Variants in NRG1 observed in about 807,000 individuals in gnomAD.
NRG1 encodes neuregulin 1, also known as pro-neuregulin-1, membrane-bound isoform.
In NRG1, 18 loss-of-function variants were observed where a neutral mutation model predicts 63.8. That is an observed-to-expected ratio of 0.28 (90% CI 0.19 to 0.42). NRG1 has a LOEUF of 0.42. Among genes scored for constraint, NRG1 ranks in the 10% least tolerant of loss-of-function variants. NRG1 has a pLI of 1.00. For missense variants in NRG1, 762 were observed against 814.7 expected, an observed-to-expected ratio of 0.94 and a Z score of 0.79; for synonymous variants, 302 against 301.3, an observed-to-expected ratio of 1.00 and a Z score of -0.02.
intron 1 of NRG1, among the ~76,000 whole-genome samples, chr8:32,513,707 T>A (rs1213026564): frequency 6.6e-6 from 1 of 152,154 alleles, no homozygotes; most frequent in African/African-American, 2.4e-5. Context: ...AACAGCATTT[T>A]TATATATATC....
At chr8:31,696,256 A>G (rs764711798) in intron 1 of NRG1, among the ~76,000 whole-genome samples, 48 of 152,078 alleles carry the variant, frequency 3.2e-4, no homozygotes, top group Non-Finnish European at 6.3e-4. Flanking sequence ...TAATAGAGAC[A>G]GGGTTTCACC....
At chr8:32,001,792 A>C (rs1812972423) in intron 1 of NRG1, among the ~76,000 whole-genome samples, 1 of 152,004 alleles carries the variant, frequency 6.6e-6, no homozygotes, top group African/African-American at 2.4e-5. Flanking sequence ...CACAGAGGTA[A>C]AGTGCTATGC....
intron 1 of NRG1, among the ~76,000 whole-genome samples, chr8:32,298,014 A>G (rs1341811949): frequency 1.3e-5 from 2 of 152,250 alleles, no homozygotes; most frequent in Admixed American, 1.3e-4. Context: ...TATCTGTGAG[A>G]ACATCACTTA....
intron 1 of NRG1, among the ~76,000 whole-genome samples, chr8:31,901,341 A>G (rs944832028): frequency 6.6e-6 from 1 of 152,208 alleles, no homozygotes; most frequent in Non-Finnish European, 1.5e-5. Flanking sequence ...ACTACTTCTT[A>G]AGACAATTTT....
chr8:32,658,905 A>G (rs1802147390), intron 5 of NRG1, among the ~76,000 whole-genome samples: 1 of 152,178 alleles, frequency 6.6e-6, no homozygotes, highest in African/African-American at 2.4e-5. Context: ...CATTTTGGTG[A>G]CATGTTTTGG....
chr8:31,868,147 T>TACACACACACACACACACAC (rs1047085862), intron 1 of NRG1, among the ~76,000 whole-genome samples: 1 of 32,636 alleles, frequency 3.1e-5, no homozygotes, highest in African/African-American at 8.3e-5. Context: ...ACATACATCT[T>TACACACACACACACACACAC]ACACACACAC....
intron 1 of NRG1, among the ~76,000 whole-genome samples, chr8:32,303,263 C>T (rs555702560): frequency 6.7e-6 from 1 of 149,718 alleles, no homozygotes; most frequent in African/African-American, 2.5e-5. Context: ...CACTTGTTGC[C>T]ATTTACCATG....
chr8:32,062,211 A>T (rs565624889), intron 1 of NRG1, among the ~76,000 whole-genome samples: 1 of 152,208 alleles, frequency 6.6e-6, no homozygotes, highest in Admixed American at 6.6e-5. Context: ...GCTTGGAACG[A>T]AGTGTGCCTG....
intron 5 of NRG1, among the ~76,000 whole-genome samples, chr8:32,712,185 C>T (rs1272691377): frequency 1.3e-5 from 2 of 152,112 alleles, no homozygotes; most frequent in East Asian, 1.9e-4. Context: ...ACAGCCTCTC[C>T]GATTTTCATG....
intron 1 of NRG1, among the ~76,000 whole-genome samples, chr8:32,532,610 A>G (rs980690615): frequency 6.6e-6 from 1 of 152,082 alleles, no homozygotes; most frequent in African/African-American, 2.4e-5. Context: ...TTTAATTGAC[A>G]TTTTAGACAA....
At chr8:32,297,854 G>C (rs1244117800) in intron 1 of NRG1, among the ~76,000 whole-genome samples, 1 of 152,144 alleles carries the variant, frequency 6.6e-6, no homozygotes, top group Admixed American at 6.5e-5. Context: ...TCTCCCTCTA[G>C]TAATAATCAT....
chr8:31,804,955 G>A (rs1392182024), intron 1 of NRG1, among the ~76,000 whole-genome samples: 1 of 152,174 alleles, frequency 6.6e-6, no homozygotes, highest in Non-Finnish European at 1.5e-5. Flanking sequence ...TGTTACTACT[G>A]GGACTGTTAC....
intron 5 of NRG1, among the ~76,000 whole-genome samples, chr8:32,725,142 G>T (rs528276472): frequency 6.6e-6 from 1 of 152,078 alleles, no homozygotes; most frequent in Non-Finnish European, 1.5e-5. Flanking sequence ...CTACATTTGG[G>T]GGGGAGTTGG....
At chr8:31,639,358 G>A (rs1343456875) in exon 1 of NRG1, 3 of 1,533,696 alleles carry the variant, frequency 2.0e-6, no homozygotes, top group Non-Finnish European at 2.6e-6. Context: ...CGCCCAGGAG[G>A]ACCCACTCGC....
intron 7 of NRG1, chr8:32,749,288 CAG>C (rs1475979382): frequency 7.9e-6 from 4 of 504,820 alleles, no homozygotes; most frequent in East Asian, 6.9e-5. Flanking sequence ...AGTTCAGCGA[CAG>C]AACTTCTCCC....
intron 8 of NRG1, among the ~76,000 whole-genome samples, 191 bp from the exon 9 acceptor site, chr8:32,756,210 GCT>G (rs886878920): frequency 1.3e-5 from 2 of 151,972 alleles, no homozygotes; most frequent in African/African-American, 4.8e-5. Context: ...ATCCCAGGTG[GCT>G]TTTAAAATCT....
chr8:31,793,043 A>G (rs561548060), intron 1 of NRG1, among the ~76,000 whole-genome samples: 1 of 152,312 alleles, frequency 6.6e-6, no homozygotes, highest in South Asian at 2.1e-4. Context: ...CTCATAACCA[A>G]TCATATCTGA....
intron 1 of NRG1, among the ~76,000 whole-genome samples, chr8:32,346,925 G>T (rs554374362): frequency 2.0e-5 from 3 of 151,978 alleles, no homozygotes; most frequent in Non-Finnish European, 4.4e-5. Context: ...CACCTTCCAG[G>T]TTCATGCCAT....
chr8:32,595,751 A>G, intron 1 of NRG1, 77 bp from the exon 2 acceptor site: 4 of 1,381,100 alleles, frequency 2.9e-6, no homozygotes, highest in Non-Finnish European at 4.0e-6. Context: ...TGATCAGGCT[A>G]ACTCCAGATT....
Sources: allele counts gnomAD v4.1 joint callset (sites outside exome capture counted in the v4.1 genomes callset), GRCh38; gene constraint gnomAD v4.1.1; transcripts MANE v1.5; gene names NCBI Gene and HGNC (gene_info 2026-07-23, HGNC 2026-07-21).